VWC2L: variants seen among roughly 807,000 people sequenced by gnomAD.
VWC2L encodes the protein von Willebrand factor C domain-containing protein 2-like.
VWC2L carries 10 observed loss-of-function variants against 21.6 expected under a neutral mutation model. That is an observed-to-expected ratio of 0.46 (90% CI 0.29 to 0.78). The LOEUF is 0.78. Ranked by LOEUF, VWC2L falls within the 30% of genes least tolerant of loss-of-function variation. VWC2L has a pLI of 0.10. For synonymous variants in VWC2L, 96 were observed against 94.3 expected, an observed-to-expected ratio of 1.02 and a Z score of -0.10; for missense variants, 209 against 277.1, an observed-to-expected ratio of 0.75 and a Z score of 1.74.
At chr2:214,538,822 C>T (rs990983878) in intron 3 of VWC2L, among the ~76,000 whole-genome samples, 2 of 152,012 alleles carry the variant, frequency 1.3e-5, no homozygotes, top group Admixed American at 6.6e-5. Flanking sequence ...TACTTAAGAG[C>T]TAGAAGTGGT....
At chr2:214,548,773 A>T (rs1689748270) in intron 3 of VWC2L, among the ~76,000 whole-genome samples, 1 of 152,158 alleles carries the variant, frequency 6.6e-6, no homozygotes. Context: ...CAGCATTTGT[A>T]GTCAATACAC....
At position 214,576,102 on chromosome 2, in the gene VWC2L, T is replaced by G; in HGVS notation, c.*282T>G. The stretch of plus-strand genomic sequence containing the variant: ...GATTGCTGGAACAAAAAGAAAGAAA[T>G]AGCCTTGCACAGGCTCCTTCCCTGG... On this transcript the variant is annotated 3_prime_UTR_variant, in exon 4 of 4. Coordinates refer to ENST00000312504, the MANE Select transcript of VWC2L (RefSeq NM_001080500.4). 2 of 199,604 alleles carry G rather than the reference T, an allele frequency of 1.0e-5. No individual in the cohort carries two copies. Among genetic ancestry groups the G allele is most frequent in the Non-Finnish European group, 2.0e-5 (2 of 99,070 alleles). The allele number at this position is 199,604 out of a possible 1,614,324, so 12.4% of individuals were successfully genotyped here.
At chr2:214,514,195 A>C (rs1689104604) in intron 3 of VWC2L, among the ~76,000 whole-genome samples, 2 of 151,602 alleles carry the variant, frequency 1.3e-5, no homozygotes, top group African/African-American at 2.4e-5. Flanking sequence ...TAACGTTTTA[A>C]TTTTTCCCTG....
chr2:214,451,479 C>A (rs936144062), intron 3 of VWC2L, among the ~76,000 whole-genome samples: 1 of 152,020 alleles, frequency 6.6e-6, no homozygotes, highest in Non-Finnish European at 1.5e-5. Flanking sequence ...AATGCTAAAT[C>A]TCAGTAGGGG....
At chr2:214,459,102 G>A (rs964755543) in intron 3 of VWC2L, among the ~76,000 whole-genome samples, 1 of 152,074 alleles carries the variant, frequency 6.6e-6, no homozygotes, top group Non-Finnish European at 1.5e-5. Flanking sequence ...TCTGGTGTTG[G>A]TGCACATGTG....
chr2:214,529,401 C>T (rs574806569), intron 3 of VWC2L, among the ~76,000 whole-genome samples: 2 of 152,248 alleles, frequency 1.3e-5, no homozygotes, highest in East Asian at 3.9e-4. Context: ...CTACCATTTG[C>T]CTTTTCAATG....
In VWC2L at chr2:214,411,341, G is replaced by C. The variant is rs1702265889; in HGVS notation, c.-526G>C. On this transcript the variant is annotated 5_prime_UTR_variant, in exon 1 of 4. Coordinates refer to ENST00000312504, the MANE Select transcript of VWC2L (RefSeq NM_001080500.4). ...CTTTAAGCTACAGCATGCTGTTGCT[G>C]TTTGTGATCCTCAGAGCCTAGCCAA... 6.6e-6 allele frequency: 1 copy of C among 152,248 alleles called. No individual in the cohort carries two copies. The highest frequency in any genetic ancestry group is 1.5e-5 in the Non-Finnish European group (1 of 68,084). 9.4% of individuals were successfully genotyped at this position (152,248 alleles called of 1,614,324 possible).
chr2:214,560,351 G>A (rs1689946739), intron 3 of VWC2L, among the ~76,000 whole-genome samples: 1 of 152,090 alleles, frequency 6.6e-6, no homozygotes, highest in African/African-American at 2.4e-5. Flanking sequence ...GAAGTTTTCT[G>A]CTTCGTTGTG....
At chr2:214,445,086 A>G (rs1277902075) in intron 3 of VWC2L, among the ~76,000 whole-genome samples, 1 of 151,928 alleles carries the variant, frequency 6.6e-6, no homozygotes, top group Non-Finnish European at 1.5e-5. Context: ...GTTAAAAAAA[A>G]TAAACAAATA....
chr2:214,477,569 T>C (rs1688543150), intron 3 of VWC2L, among the ~76,000 whole-genome samples: 1 of 152,210 alleles, frequency 6.6e-6, no homozygotes, highest in Non-Finnish European at 1.5e-5. Context: ...TGGGAGTGCG[T>C]AGAGCACTTA....
chr2:214,475,434 C>T (rs1175673657), intron 3 of VWC2L, among the ~76,000 whole-genome samples: 3 of 151,334 alleles, frequency 2.0e-5, no homozygotes, highest in Non-Finnish European at 2.9e-5. Flanking sequence ...ATTTTTGAAA[C>T]GTGTATGTTT....
At chr2:214,507,776 G>A (rs988528567) in intron 3 of VWC2L, among the ~76,000 whole-genome samples, 2 of 152,190 alleles carry the variant, frequency 1.3e-5, no homozygotes, top group Admixed American at 1.3e-4. Flanking sequence ...ACAGTCATGA[G>A]CCTCAAGCAG....
intron 3 of VWC2L, among the ~76,000 whole-genome samples, chr2:214,555,923 T>G (rs1450307170): frequency 6.6e-6 from 1 of 152,190 alleles, no homozygotes; most frequent in South Asian, 2.1e-4. Flanking sequence ...AAAGCCCATT[T>G]ATGTTTATGA....
intron 3 of VWC2L, among the ~76,000 whole-genome samples, chr2:214,482,678 A>G (rs1320056809): frequency 6.6e-6 from 1 of 150,392 alleles, no homozygotes; most frequent in Non-Finnish European, 1.5e-5. Context: ...TTTTTCTTTA[A>G]TGGCCAGGCA....
intron 3 of VWC2L, among the ~76,000 whole-genome samples, chr2:214,532,556 G>T (rs565419159): frequency 2.0e-5 from 3 of 151,820 alleles, no homozygotes; most frequent in African/African-American, 7.3e-5. Context: ...TTTTTTGTTG[G>T]TATTGAAATT....
intron 3 of VWC2L, among the ~76,000 whole-genome samples, chr2:214,488,610 A>C (rs1688705181): frequency 6.6e-6 from 1 of 152,188 alleles, no homozygotes; most frequent in South Asian, 2.1e-4. Context: ...AAAACAAAAC[A>C]AAACAAAAAC....
chr2:214,460,070 G>A (rs1248280465), intron 3 of VWC2L, among the ~76,000 whole-genome samples: 2 of 151,832 alleles, frequency 1.3e-5, no homozygotes, highest in African/African-American at 2.4e-5. Flanking sequence ...ACCATGCCCA[G>A]CTAATTTTTG....
chr2:214,535,393 A>G (rs571089274), intron 3 of VWC2L, among the ~76,000 whole-genome samples: 1 of 152,078 alleles, frequency 6.6e-6, no homozygotes, highest in East Asian at 1.9e-4. Flanking sequence ...TTCTCATACC[A>G]TATCATGCTC....
intron 2 of VWC2L, chr2:214,436,404 C>A (rs187769401): frequency 1.9e-4 from 90 of 480,758 alleles, no homozygotes; most frequent in Middle Eastern, 1.2e-3. Flanking sequence ...AAGTCATACA[C>A]GGGTGCTTTT....
Sources: allele counts gnomAD v4.1 joint callset (sites outside exome capture counted in the v4.1 genomes callset), GRCh38; gene constraint gnomAD v4.1.1; transcripts MANE v1.5; gene names NCBI Gene and HGNC (gene_info 2026-07-23, HGNC 2026-07-21).